Variants in XPC observed in about 807,000 individuals in gnomAD.
XPC encodes XPC complex subunit, DNA damage recognition and repair factor.
XPC carries 76 observed loss-of-function variants against 95.8 expected under a neutral mutation model. The ratio of observed to expected loss-of-function variants is 0.79; its 90% CI spans 0.66 to 0.96. The LOEUF is 0.96. Ranked by LOEUF, XPC falls within the 40% of genes least tolerant of loss-of-function variation. XPC has a pLI of 0.00. For missense variants in XPC, 1,146 were observed against 1,179.8 expected (o/e 0.97, Z 0.42); for synonymous variants, 442 against 442.1 (o/e 1.00, Z 0.00).
At position 14,159,792 on chromosome 3, in the gene XPC, G is replaced by C. The variant is rs141523491; in HGVS notation, c.939C>G (p.Thr313=). Residue 313 remains threonine, a synonymous_variant, in exon 8 of 16, where the codon ACC becomes ACG. Coordinates refer to ENST00000285021, the MANE Select transcript of XPC (RefSeq NM_004628.5). ...LLILRALQLL[T]RLVLSLQPIP... The stretch of plus-strand genomic sequence containing the variant: ...TTGGCTGTAGAGACAATACCAGCCG[G>C]GTCAAGAGCTGCAGAGCCCGGAGAA... 2.6e-6 allele frequency: 4 copies of C among 1,562,050 alleles called. No homozygotes were observed. Among genetic ancestry groups the C allele is most frequent in the Non-Finnish European group, 3.5e-6 (4 of 1,152,862 alleles).
chr3:14,145,514 G>T lies in XPC; in HGVS notation c.*427C>A. 1.4e-6 allele frequency: 1 copy of T among 699,146 alleles called. No individual in the cohort carries two copies. The highest frequency in any genetic ancestry group is 1.5e-5 in the South Asian group (1 of 67,470). The allele number at this position is 699,146 out of a possible 1,614,324, so 43.3% of individuals were successfully genotyped here. On this transcript the variant is annotated 3_prime_UTR_variant, in exon 16 of 16. Transcript: ENST00000285021. Reference sequence around the variant, plus strand: ...CGCAACCGAGGCGAGTGAACTTGTCGGACAGATGAAGACTCTAACTGGAAG... The same window carrying T: ...CGCAACCGAGGCGAGTGAACTTGTCTGACAGATGAAGACTCTAACTGGAAG...
At chr3:14,167,009 C>T (rs1185023463) in intron 5 of XPC, among the ~76,000 whole-genome samples, 160 bp downstream of exon 5, 1 of 152,198 alleles carries the variant, frequency 6.6e-6, no homozygotes, top group East Asian at 1.9e-4. Flanking sequence ...AAGACAGACA[C>T]TATTACTACC....
rs369079467 is a variant in XPC, at chr3:14,170,528, T to C, written c.322A>G (p.Lys108Glu). The stretch of plus-strand genomic sequence containing the variant: ...GCCCCTCTCTTCAGATGGTGTGCCT[T>C]CTTGAGGTCACTTGGAAAGTCCCTG... ...DLRDFPSDLK[K>E]AHHLKRGATM... Residue 108 changes from lysine to glutamate, a missense_variant, in exon 3 of 16, where the codon AAG becomes GAG. Lys to Glu is a moderately conservative substitution (Grantham distance 56). Coordinates refer to ENST00000285021, the MANE Select transcript of XPC (RefSeq NM_004628.5). The C allele has an allele frequency of 6.2e-7, 1 of 1,612,956 alleles. No individual in the cohort carries two copies. Among genetic ancestry groups the C allele is most frequent in the Non-Finnish European group, 8.5e-7 (1 of 1,179,320 alleles).
chr3:14,177,465 G>A (rs1046161441), intron 1 of XPC, among the ~76,000 whole-genome samples: 3 of 152,074 alleles, frequency 2.0e-5, no homozygotes, highest in East Asian at 1.9e-4. Flanking sequence ...AAGCCATGGG[G>A]GGTTCACTCT....
In XPC at chr3:14,145,862, C is replaced by T. The variant is rs751465946; in HGVS notation, c.*79G>A. 2.6e-5 allele frequency: 40 copies of T among 1,526,290 alleles called. No homozygotes were observed. The highest frequency in any genetic ancestry group is 3.4e-5 in the Non-Finnish European group (38 of 1,118,988). The allele number at this position is 1,526,290 out of a possible 1,614,324, so 94.5% of individuals were successfully genotyped here. ...GCAGAGAAGCCCCCACCACCAGGGG[C>T]TGGGCATGCCCAGGGCAGGTGTGGG... On this transcript the variant is annotated 3_prime_UTR_variant, in exon 16 of 16. Transcript: ENST00000285021.
chr3:14,165,341 G>T, intron 6 of XPC, 87 bp downstream of exon 6: 1 of 1,452,708 alleles, frequency 6.9e-7, no homozygotes, highest in Non-Finnish European at 9.2e-7. Flanking sequence ...CCTCAGGGAA[G>T]GTCTGTGGAA....
rs769976942 is a variant in XPC, at chr3:14,145,800, C to T, written c.*141G>A. 7 of 1,072,372 alleles carry T rather than the reference C, an allele frequency of 6.5e-6. No homozygotes were observed. Among genetic ancestry groups the T allele is most frequent in the South Asian group, 5.4e-5 (4 of 74,570 alleles). 66.4% of individuals were successfully genotyped at this position (1,072,372 alleles called of 1,614,324 possible). ...TCAGCTTGGCCTCGTCTCCCCTGACCCCGCCTCCGTGCATGCTGCCTCAGT... is the reference window on the plus strand; with the variant it reads ...TCAGCTTGGCCTCGTCTCCCCTGACTCCGCCTCCGTGCATGCTGCCTCAGT... On this transcript the variant is annotated 3_prime_UTR_variant, in exon 16 of 16. Transcript: ENST00000285021.
Position 14,145,614 on chromosome 3 carries a change from C to A in XPC, c.*327G>T, listed in dbSNP as rs1394387490. 7.1e-6 allele frequency: 5 copies of A among 699,364 alleles called. No homozygotes were observed. Among genetic ancestry groups the A allele is most frequent in the Non-Finnish European group, 1.3e-5 (5 of 384,762 alleles). 43.3% of individuals were successfully genotyped at this position (699,364 alleles called of 1,614,324 possible). ...GGCTTCCATACAAAAACTGATGTTT[C>A]TAAAGATGGAAAGAACAGGTCTAGG... On this transcript the variant is annotated 3_prime_UTR_variant, in exon 16 of 16. Transcript: ENST00000285021.
At position 14,159,586 on chromosome 3, in the gene XPC, C is replaced by T. The variant is rs1452635769; in HGVS notation, c.990+155G>A. 2.4e-5 allele frequency: 18 copies of T among 759,508 alleles called. No individual in the cohort carries two copies. The South Asian group carries it at 2.8e-4, about 12-fold the overall frequency. 47.0% of individuals were successfully genotyped at this position (759,508 alleles called of 1,614,324 possible). A position where few individuals can be genotyped will look rare whatever the true frequency, so the allele number is the denominator to read the frequency against. ...AGGCTGCTAGATACCCACTCACATG[C>T]CCAAGTCTTCCCTAACACAGGGTAT... On this transcript the variant is annotated intron_variant, in intron 8 of 15. Coordinates refer to ENST00000285021, the MANE Select transcript of XPC (RefSeq NM_004628.5).
At chr3:14,156,770 C>G (rs1479081464) in intron 9 of XPC, among the ~76,000 whole-genome samples, 1 of 152,228 alleles carries the variant, frequency 6.6e-6, no homozygotes, top group Admixed American at 6.5e-5. Flanking sequence ...AACCCAGCCC[C>G]AGCAGATGTG....
chr3:14,159,639 C>T (rs776680232), intron 8 of XPC, 102 bp downstream of exon 8: 53 of 1,222,126 alleles, frequency 4.3e-5, no homozygotes, highest in Admixed American at 1.9e-4. Context: ...ACCCACACTC[C>T]GTGAATACCA....
At position 14,146,790 on chromosome 3, in the gene XPC, C is replaced by A. The variant is rs3731173; in HGVS notation, c.2604+500G>T. ...GTGTCTGACACAGCACTGACTATAC[C>A]ATGTAACTGGGCCTAGGGTCCATCT... On this transcript the variant is annotated intron_variant, in intron 15 of 15. Coordinates refer to ENST00000285021, the MANE Select transcript of XPC (RefSeq NM_004628.5). Among the ~76,000 whole-genome samples the A allele has an allele frequency of 8.6e-3, 1,308 of 152,304 alleles. 24 individuals carry two copies. The highest frequency in any genetic ancestry group is 0.03 in the African/African-American group (1,229 of 41,558).
intron 1 of XPC, 188 bp downstream of exon 1, chr3:14,178,278 T>C (rs1319280975): frequency 1.6e-6 from 1 of 640,926 alleles, no homozygotes; most frequent in Non-Finnish European, 2.5e-6. Flanking sequence ...GAAACCGCTC[T>C]GGGTGCGCAG....
Position 14,148,006 on chromosome 3 carries a change from G to A in XPC, c.2421-5C>T, listed in dbSNP as rs200734256. On this transcript the variant is annotated splice_region_variant and splice_polypyrimidine_tract_variant and intron_variant, in intron 13 of 15. Coordinates refer to ENST00000285021, the MANE Select transcript of XPC (RefSeq NM_004628.5). Reference sequence around the variant, plus strand: ...CAGACGATGTATCCATCAGTCCTGTGGGGACACAACGCGATGTCAACCCTC... The same window carrying A: ...CAGACGATGTATCCATCAGTCCTGTAGGGACACAACGCGATGTCAACCCTC... 2 of 1,574,358 alleles carry A rather than the reference G, an allele frequency of 1.3e-6. No homozygotes were observed. The highest frequency in any genetic ancestry group is 2.7e-5 in the African/African-American group (2 of 74,414).
intron 15 of XPC, among the ~76,000 whole-genome samples, chr3:14,147,005 A>G (rs1559367615): frequency 1.3e-5 from 2 of 152,138 alleles, no homozygotes; most frequent in Non-Finnish European, 2.9e-5. Context: ...GGCCCTCCCT[A>G]TGTGTTCAGC....
intron 1 of XPC, 179 bp downstream of exon 1, chr3:14,178,287 A>C: frequency 1.5e-6 from 1 of 678,262 alleles, no homozygotes; most frequent in South Asian, 2.3e-5. Flanking sequence ...CTGGGTGCGC[A>C]GGACAAAGAC....
Position 14,145,990 on chromosome 3 carries a change from CT to C in XPC, c.2773del (p.Arg925GlyfsTer22). ...GTGGGAAGCTGCTGCTTTCTTTTCC[CT>C]TTTGGTCTTCTTGGGCCCACCCTTC... ...KLKGGPKKTK[R>X]EKKAAASHLF... On this transcript the variant is annotated frameshift_variant, in exon 16 of 16. Coordinates refer to ENST00000285021, the MANE Select transcript of XPC (RefSeq NM_004628.5). LOFTEE classifies it high-confidence loss of function. 6.2e-7 allele frequency: 1 copy of C among 1,610,020 alleles called. No individual in the cohort carries two copies. The highest frequency in any genetic ancestry group is 8.5e-7 in the Non-Finnish European group (1 of 1,177,228).
At position 14,146,128 on chromosome 3, in the gene XPC, C is replaced by A; in HGVS notation, c.2636G>T (p.Gly879Val). ...SEAAAPHTDA[G>V]GGLSSDEEEG... Reference sequence around the variant, plus strand: ...CTCTTCATCAGAAGAGAGTCCACCTCCTGCATCTGTGTGGGGAGCTGCTGC... The same window carrying A: ...CTCTTCATCAGAAGAGAGTCCACCTACTGCATCTGTGTGGGGAGCTGCTGC... The change falls in exon 16 of 16, where the codon GGA (glycine) becomes GTA (valine). Residue 879 changes from glycine (G) to valine (V), a missense_variant. Gly to Val is a moderately radical substitution (Grantham distance 109, BLOSUM62 -3). Coordinates refer to ENST00000285021, the MANE Select transcript of XPC (RefSeq NM_004628.5). 3 of 1,610,976 alleles carry A rather than the reference C, an allele frequency of 1.9e-6. No homozygotes were observed. Among genetic ancestry groups the A allele is most frequent in the Non-Finnish European group, 2.5e-6 (3 of 1,179,218 alleles).
At chr3:14,147,262 G>A in intron 15 of XPC, 28 bp downstream of exon 15, 3 of 1,589,360 alleles carry the variant, frequency 1.9e-6, no homozygotes, top group Non-Finnish European at 2.6e-6. Context: ...CCCTGAGCTT[G>A]TCTTCTCTGC....
Sources: allele counts gnomAD v4.1 joint callset (sites outside exome capture counted in the v4.1 genomes callset), GRCh38; gene constraint gnomAD v4.1.1; transcripts MANE v1.5; gene names NCBI Gene and HGNC (gene_info 2026-07-23, HGNC 2026-07-21).